Variants in EPS15L1 observed in about 807,000 individuals in gnomAD.
The protein encoded by EPS15L1 is epidermal growth factor receptor pathway substrate 15 like 1, also known as epidermal growth factor receptor substrate 15-like 1.
A neutral mutation model predicts 117.1 loss-of-function variants in EPS15L1; 43 were observed. The ratio of observed to expected loss-of-function variants is 0.37; its 90% CI spans 0.29 to 0.47. EPS15L1 has a LOEUF of 0.47. EPS15L1 is among the 20% of genes least tolerant of loss of function. EPS15L1 has a pLI of 0.99. For missense variants in EPS15L1, 981 were observed against 1,164.0 expected (o/e 0.84, Z 2.29); for synonymous variants, 459 against 470.5 (o/e 0.98, Z 0.32).
intron 6 of EPS15L1, chr19:16,436,553 G>A (rs1419902493): frequency 1.1e-5 from 2 of 175,238 alleles, no homozygotes; most frequent in Non-Finnish European, 2.4e-5. Context: ...CACATTTGGG[G>A]GTCCACGTGC....
chr19:16,386,131 C>A (rs749833602), intron 20 of EPS15L1, 40 bp downstream of exon 20: 1 of 1,516,266 alleles, frequency 6.6e-7, no homozygotes, highest in South Asian at 1.1e-5. Context: ...TGCTACTGCC[C>A]AAGGAATAGT....
chr19:16,468,514 T>G (rs567961294), intron 1 of EPS15L1, among the ~76,000 whole-genome samples: 5 of 152,300 alleles, frequency 3.3e-5, no homozygotes, highest in Admixed American at 6.5e-5. Flanking sequence ...CCTGGCTAAC[T>G]TTTGTATTTT....
chr19:16,389,184 T>C (rs1599563350), intron 19 of EPS15L1, among the ~76,000 whole-genome samples: 1 of 149,166 alleles, frequency 6.7e-6, no homozygotes, highest in Admixed American at 6.7e-5. Flanking sequence ...CTGGGTGAAG[T>C]GACTCAAGCC....
chr19:16,454,469 C>T (rs1568465110), intron 1 of EPS15L1, among the ~76,000 whole-genome samples: 1 of 152,174 alleles, frequency 6.6e-6, no homozygotes, highest in Non-Finnish European at 1.5e-5. Context: ...TGTACTATGT[C>T]AGCATGAGCT....
chr19:16,428,899 G>C, intron 7 of EPS15L1, 138 bp from the exon 8 acceptor site: 1 of 646,990 alleles, frequency 1.5e-6, no homozygotes, highest in African/African-American at 1.8e-5. Context: ...TTCAGGACCA[G>C]TCCGCGAGTT....
At chr19:16,450,405 T>C (rs2145123636) in intron 1 of EPS15L1, among the ~76,000 whole-genome samples, 1 of 151,822 alleles carries the variant, frequency 6.6e-6, no homozygotes, top group South Asian at 2.1e-4. Context: ...TACCCCTGTG[T>C]CATGCCCCAC....
At position 16,381,948 on chromosome 19, in the gene EPS15L1, G is replaced by A. The variant is rs906523874; in HGVS notation, c.2247+3181C>T. Among the ~76,000 whole-genome samples the A allele has an allele frequency of 6.6e-5, 10 of 152,296 alleles. No homozygotes were observed. The highest frequency in any genetic ancestry group is 2.1e-4 in the South Asian group (1 of 4,826). On this transcript the variant is annotated intron_variant, in intron 21 of 23. Transcript: ENST00000455140. The surrounding 1 kb of genome is among the most constrained non-coding windows in gnomAD (Gnocchi z 4.2). Reference sequence around the variant, plus strand: ...GCTTCTGGGCCACATCTCCAGACTCGGAGTGGGGCCTCGGTTCCAGTGGCT... The same window carrying A: ...GCTTCTGGGCCACATCTCCAGACTCAGAGTGGGGCCTCGGTTCCAGTGGCT...
Position 16,428,699 on chromosome 19 carries a change from T to C in EPS15L1, c.558+3A>G, listed in dbSNP as rs1327444208. 10 of 1,610,872 alleles carry C rather than the reference T, an allele frequency of 6.2e-6. No homozygotes were observed. The African/African-American group carries it at 1.3e-4, about 22-fold the overall frequency. On this transcript the variant is annotated splice_donor_region_variant and intron_variant, in intron 8 of 23. Coordinates refer to ENST00000455140, the MANE Select transcript of EPS15L1 (RefSeq NM_001258374.3). ...TGGGTGGGGAGGAAACAGCAGGACT[T>C]ACCACAGCGAACTCATCTCGATCCA...
chr19:16,376,794 G>A (rs1055940634), intron 22 of EPS15L1, among the ~76,000 whole-genome samples: 7 of 152,236 alleles, frequency 4.6e-5, no homozygotes, highest in South Asian at 2.1e-4. Flanking sequence ...CCAGGGCGTC[G>A]GGGTGGCACT....
intron 1 of EPS15L1, among the ~76,000 whole-genome samples, chr19:16,469,857 G>C (rs934912699): frequency 4.6e-5 from 7 of 152,068 alleles, no homozygotes; most frequent in Non-Finnish European, 1.0e-4. Flanking sequence ...CAAAAATTTT[G>C]GAATTATACC....
chr19:16,432,169 C>A (rs2092934318), intron 7 of EPS15L1, among the ~76,000 whole-genome samples: 1 of 152,188 alleles, frequency 6.6e-6, no homozygotes, highest in Non-Finnish European at 1.5e-5. Flanking sequence ...CACGGTGGCT[C>A]ACGCTTGTAA....
chr19:16,386,284 CCATT>C, intron 19 of EPS15L1, 53 bp from the exon 20 acceptor site: 1 of 1,423,150 alleles, frequency 7.0e-7, no homozygotes, highest in Non-Finnish European at 9.8e-7. Flanking sequence ...GTTCCATCAC[CCATT>C]CATTCAACCA....
chr19:16,392,162 A>C, intron 19 of EPS15L1, 142 bp downstream of exon 19: 1 of 902,878 alleles, frequency 1.1e-6, no homozygotes, highest in Non-Finnish European at 1.7e-6. Flanking sequence ...CTGGGATACC[A>C]GCTCCCGGAG....
In EPS15L1 at chr19:16,371,637, GGCAGGAACCGCAAC is replaced by G. The variant is rs1266850040; in HGVS notation, c.2380+5471_2380+5484del. ...CTGGCTGGTGTCACCGGGCGCTGCA[GGCAGGAACCGCAAC>G]GCAGGGCCGCGCTGGCAGGAAGTGG... is the stretch of plus-strand genomic sequence containing the variant. On this transcript the variant is annotated intron_variant, in intron 22 of 23. Coordinates refer to ENST00000455140, the MANE Select transcript of EPS15L1 (RefSeq NM_001258374.3). The surrounding 1 kb of genome is among the most constrained non-coding windows in gnomAD (Gnocchi z 4.7). Among the ~76,000 whole-genome samples, 6 of 152,214 alleles carry G rather than the reference GGCAGGAACCGCAAC, an allele frequency of 3.9e-5. No individual in the cohort carries two copies. Among genetic ancestry groups the G allele is most frequent in the Non-Finnish European group, 1.5e-5 (1 of 68,034 alleles).
At chr19:16,388,251 G>A (rs2092441166) in intron 19 of EPS15L1, among the ~76,000 whole-genome samples, 1 of 152,104 alleles carries the variant, frequency 6.6e-6, no homozygotes, top group South Asian at 2.1e-4. Flanking sequence ...TGTTGGCCAG[G>A]CTGGTCTCGA....
At chr19:16,428,474 A>G (rs1403737890) in intron 8 of EPS15L1, among the ~76,000 whole-genome samples, 1 of 98,486 alleles carries the variant, frequency 1.0e-5, no homozygotes, top group Non-Finnish European at 1.9e-5. Flanking sequence ...GAGAGGAGAG[A>G]GGGAGAGAGG....
Position 16,471,887 on chromosome 19 carries a change from C to T in EPS15L1, c.33+26G>A, listed in dbSNP as rs1320295587. 1.5e-6 allele frequency: 2 copies of T among 1,294,352 alleles called. No homozygotes were observed. The highest frequency in any genetic ancestry group is 3.2e-5 in the East Asian group (1 of 31,178). The allele number at this position is 1,294,352 out of a possible 1,614,324, so 80.2% of individuals were successfully genotyped here. ...CGCCTCGCGCCCCGCACCCCGGCGC[C>T]GCCCCCAGGCCCGCCCGGCCCGTAC... On this transcript the variant is annotated intron_variant, in intron 1 of 23. Coordinates refer to ENST00000455140, the MANE Select transcript of EPS15L1 (RefSeq NM_001258374.3). This position sits in a 1 kb window ranked among gnomAD's most constrained non-coding sequence, Gnocchi z 4.8.
intron 8 of EPS15L1, 146 bp downstream of exon 8, chr19:16,428,555 AG>A (rs368177133): frequency 0.099 from 57,785 of 582,676 alleles, 3,365 homozygotes; most frequent in Non-Finnish European, 0.12. Flanking sequence ...CAGAAAAGAA[AG>A]GAAAAGAAAG....
At chr19:16,373,235 G>A (rs372129351) in intron 22 of EPS15L1, among the ~76,000 whole-genome samples, 6 of 152,226 alleles carry the variant, frequency 3.9e-5, no homozygotes, top group African/African-American at 1.4e-4. Context: ...GGCTCACAGG[G>A]GGTCGCATTT....
Sources: allele counts gnomAD v4.1 joint callset (sites outside exome capture counted in the v4.1 genomes callset), GRCh38; gene constraint gnomAD v4.1.1; non-coding constraint Gnocchi (gnomAD v3.1); transcripts MANE v1.5; gene names NCBI Gene and HGNC (gene_info 2026-07-23, HGNC 2026-07-21).